The following TMEM216 variants were observed in gnomAD, a reference collection of about 807,000 sequenced individuals.
The protein encoded by TMEM216 is transmembrane protein 216, also known as cerebello-oculo-renal syndrome 2.
A neutral mutation model predicts 17.8 loss-of-function variants in TMEM216; 15 were observed. The observed-to-expected ratio is 0.84, with a 90% CI of 0.56 to 1.30. The LOEUF (loss-of-function observed/expected upper bound fraction) is 1.30, where lower values mean the gene tolerates loss of function less well. Among genes scored for constraint, TMEM216 ranks in the 50% most tolerant of loss-of-function variants. The probability of loss-of-function intolerance (pLI) is 0.00; values close to 1 mark genes in which losing one functional copy is unlikely to be tolerated. For missense variants in TMEM216, 160 were observed against 175.7 expected (o/e 0.91, Z 0.51); for synonymous variants, 58 against 73.5 (o/e 0.79, Z 1.08).
chr11:61,395,972 A>C (rs1376901451), intron 3 of TMEM216, among the ~76,000 whole-genome samples: 1 of 152,186 alleles, frequency 6.6e-6, no homozygotes, highest in African/African-American at 2.4e-5. Flanking sequence ...GGTAGTAGTT[A>C]TTACTGTGTA....
In TMEM216 at chr11:61,392,711, T is replaced by C. The variant is rs540647577; in HGVS notation, c.34+46T>C. 225 of 1,532,720 alleles carry C rather than the reference T, an allele frequency of 1.5e-4. 2 individuals are homozygous for C. Among genetic ancestry groups the C allele is most frequent in the Middle Eastern group, 8.4e-4 (5 of 5,966 alleles). The allele number at this position is 1,532,720 out of a possible 1,614,324, so 94.9% of individuals were successfully genotyped here. A position where few individuals can be genotyped will look rare whatever the true frequency, so the allele number is the denominator to read the frequency against. On this transcript the variant is annotated intron_variant, in intron 1 of 4. Transcript: ENST00000515837. ...GAGTCGCTGGTCCCTTTCCCTTCGGTCGCTCCCTCCCACCTCTGTCCCAGA... is the reference window on the plus strand; with the variant it reads ...GAGTCGCTGGTCCCTTTCCCTTCGGCCGCTCCCTCCCACCTCTGTCCCAGA...
At position 61,392,848 on chromosome 11, in the gene TMEM216, A is replaced by G. The variant is rs1399599247; in HGVS notation, c.34+183A>G. 5.1e-6 allele frequency: 5 copies of G among 985,268 alleles called. No homozygotes were observed. In the African/African-American group the frequency reaches 8.7e-5, roughly 17 times the overall value. The allele number at this position is 985,268 out of a possible 1,614,324, so 61.0% of individuals were successfully genotyped here. ...GGTGCCTGAAGGTCTCAAGGTGCAC[A>G]GCTCAAATAAACGCAGATCCTTGGC... is the stretch of plus-strand genomic sequence containing the variant. On this transcript the variant is annotated intron_variant, in intron 1 of 4. Transcript: ENST00000515837.
chr11:61,393,129 T>G, intron 1 of TMEM216, 102 bp from the exon 2 acceptor site: 1 of 713,604 alleles, frequency 1.4e-6, no homozygotes. Context: ...GCCGGTCCCA[T>G]TAGTTGCAGC....
At chr11:61,395,477 C>T (rs1325564525) in intron 3 of TMEM216, among the ~76,000 whole-genome samples, 8 of 152,018 alleles carry the variant, frequency 5.3e-5, no homozygotes, top group African/African-American at 1.9e-4. Flanking sequence ...CAGTGGCTCA[C>T]GTCTGTAATC....
Position 61,393,431 on chromosome 11 carries a change from C to G in TMEM216, c.136+99C>G, listed in dbSNP as rs962771930. ...TTCTTATTTTCCGTTCTTTTCTGCCCCCTGCAGTTCTTTGTCGCTGCAAGG... is the reference window on the plus strand; with the variant it reads ...TTCTTATTTTCCGTTCTTTTCTGCCGCCTGCAGTTCTTTGTCGCTGCAAGG... On this transcript the variant is annotated intron_variant, in intron 2 of 4. Coordinates refer to ENST00000515837, the MANE Select transcript of TMEM216 (RefSeq NM_001173990.3). 4.7e-6 allele frequency: 4 copies of G among 852,102 alleles called. No homozygotes were observed. In the Admixed American group the frequency reaches 8.8e-5, roughly 19 times the overall value. The allele number at this position is 852,102 out of a possible 1,614,324, so 52.8% of individuals were successfully genotyped here. A position where few individuals can be genotyped will look rare whatever the true frequency, so the allele number is the denominator to read the frequency against.
chr11:61,398,212 G>A, intron 4 of TMEM216, 58 bp from the exon 5 acceptor site: 2 of 1,598,590 alleles, frequency 1.3e-6, no homozygotes, highest in South Asian at 2.2e-5. Flanking sequence ...GTCGAGGCCA[G>A]CTGCTCTCAT....
intron 3 of TMEM216, among the ~76,000 whole-genome samples, chr11:61,394,606 A>T (rs1021542603): frequency 6.6e-6 from 1 of 150,556 alleles, no homozygotes; most frequent in Non-Finnish European, 1.5e-5. Context: ...TGACCTTGTG[A>T]TCTGCCTGTG....
At position 61,392,662 on chromosome 11, in the gene TMEM216, C is replaced by T; in HGVS notation, c.31C>T (p.Arg11Ter). The T allele has an allele frequency of 3.9e-6, 6 of 1,536,112 alleles. No individual in the cohort carries two copies. The highest frequency in any genetic ancestry group is 5.2e-6 in the Non-Finnish European group (6 of 1,146,912). MLPRGLKMAP[R>*]GKRLSSTPLE... ...GCCACGGGGACTGAAGATGGCGCCG[C>T]GAGGTGAGATTCCGGAGGTGTGTGA... Residue 11 changes from arginine (R) to a stop codon, truncating the protein, a stop_gained, in exon 1 of 5, where the codon CGA becomes TGA. Transcript: ENST00000515837. LOFTEE classifies it high-confidence loss of function.
At chr11:61,397,043 T>G (rs1858815765) in intron 3 of TMEM216, among the ~76,000 whole-genome samples, 1 of 152,026 alleles carries the variant, frequency 6.6e-6, no homozygotes, top group Non-Finnish European at 1.5e-5. Context: ...TAATAAATAG[T>G]AATATGTGAA....
intron 1 of TMEM216, 120 bp downstream of exon 1, chr11:61,392,785 C>A: frequency 6.6e-7 from 1 of 1,526,368 alleles, no homozygotes; most frequent in South Asian, 1.2e-5. Context: ...TCGCGCCTCC[C>A]TGGTCCAAAG....
At chr11:61,395,261 G>A (rs986768124) in intron 3 of TMEM216, among the ~76,000 whole-genome samples, 1 of 152,140 alleles carries the variant, frequency 6.6e-6, no homozygotes, top group African/African-American at 2.4e-5. Flanking sequence ...ACAGGCGTGA[G>A]CCAACATGCC....
At position 61,398,407 on chromosome 11, in the gene TMEM216, G is replaced by C. The variant is rs1174421103; in HGVS notation, c.*131G>C. The C allele has an allele frequency of 1.0e-6, 1 of 987,560 alleles. No individual in the cohort carries two copies. The highest frequency in any genetic ancestry group is 1.5e-6 in the Non-Finnish European group (1 of 660,048). 61.2% of individuals were successfully genotyped at this position (987,560 alleles called of 1,614,324 possible). A position where few individuals can be genotyped will look rare whatever the true frequency, so the allele number is the denominator to read the frequency against. The stretch of plus-strand genomic sequence containing the variant: ...GGCTGTGTGGCTTTTCTTCAGCACA[G>C]ACATTTGGGCAAGCAACTCAGCATA... On this transcript the variant is annotated 3_prime_UTR_variant, in exon 5 of 5. Transcript: ENST00000515837.
chr11:61,393,227 T>G lies in TMEM216; in HGVS notation c.35-4T>G. 1 of 1,534,918 alleles carries G rather than the reference T, an allele frequency of 6.5e-7. No individual in the cohort carries two copies. Among genetic ancestry groups the G allele is most frequent in the Non-Finnish European group, 8.7e-7 (1 of 1,145,988 alleles). On this transcript the variant is annotated splice_polypyrimidine_tract_variant and splice_region_variant and intron_variant, in intron 1 of 4. Coordinates refer to ENST00000515837, the MANE Select transcript of TMEM216 (RefSeq NM_001173990.3). ...CATCCCACTTCTCTGTGCTCCTTTTTCAGGTAAACGGTTGTCCTCCACCCC... is the reference window on the plus strand; with the variant it reads ...CATCCCACTTCTCTGTGCTCCTTTTGCAGGTAAACGGTTGTCCTCCACCCC...
At position 61,398,648 on chromosome 11, in the gene TMEM216, C is replaced by T. The variant is rs565159932; in HGVS notation, c.*372C>T. On this transcript the variant is annotated 3_prime_UTR_variant, in exon 5 of 5. Coordinates refer to ENST00000515837, the MANE Select transcript of TMEM216 (RefSeq NM_001173990.3). Reference sequence around the variant, plus strand: ...TCAAGCAGGACCTGAGCCACATGCTCCCTGTACGAGCTGTGCTATACCTGT... The same window carrying T: ...TCAAGCAGGACCTGAGCCACATGCTTCCTGTACGAGCTGTGCTATACCTGT... 1.5e-4 allele frequency: 42 copies of T among 273,532 alleles called. No homozygotes were observed. Among genetic ancestry groups the T allele is most frequent in the South Asian group, 1.2e-3 (16 of 13,122 alleles). 16.9% of individuals were successfully genotyped at this position (273,532 alleles called of 1,614,324 possible).
At chr11:61,396,322 T>C (rs1216380123) in intron 3 of TMEM216, among the ~76,000 whole-genome samples, 1 of 151,064 alleles carries the variant, frequency 6.6e-6, no homozygotes, top group Non-Finnish European at 1.5e-5. Flanking sequence ...CTACTAAAAA[T>C]ACAAAAATTA....
intron 3 of TMEM216, 117 bp downstream of exon 3, chr11:61,394,093 C>T: frequency 1.1e-6 from 1 of 885,312 alleles, no homozygotes; most frequent in Non-Finnish European, 1.8e-6. Context: ...TCTGTATATC[C>T]TATTACTCCG....
chr11:61,396,128 C>T (rs1256001923), intron 3 of TMEM216, among the ~76,000 whole-genome samples: 1 of 152,192 alleles, frequency 6.6e-6, no homozygotes, highest in Non-Finnish European at 1.5e-5. Flanking sequence ...AACATCTGTC[C>T]ATACGGGATT....
rs1410766562 is a variant in TMEM216 at position 61,398,725 on chromosome 11, A to G, written c.*449A>G. The G allele has an allele frequency of 6.1e-6, 1 of 163,078 alleles. No homozygotes were observed. 10.1% of individuals were successfully genotyped at this position (163,078 alleles called of 1,614,324 possible). ...TTGGTGGGTTTCCAGAGTGATGTGA[A>G]AGCCTCTCACCCCAATCCTCGGAGA... On this transcript the variant is annotated 3_prime_UTR_variant, in exon 5 of 5. Coordinates refer to ENST00000515837, the MANE Select transcript of TMEM216 (RefSeq NM_001173990.3).
In TMEM216 at chr11:61,398,582, G is replaced by A. The variant is rs1858854939; in HGVS notation, c.*306G>A. The stretch of plus-strand genomic sequence containing the variant: ...TCAAGTTCTCCTCCTTGATCACCGT[G>A]GCCAGAGCATCTCGTGTGGACCATC... On this transcript the variant is annotated 3_prime_UTR_variant, in exon 5 of 5. Transcript: ENST00000515837. 2.3e-6 allele frequency: 1 copy of A among 428,506 alleles called. No homozygotes were observed. 26.5% of individuals were successfully genotyped at this position (428,506 alleles called of 1,614,324 possible). A position where few individuals can be genotyped will look rare whatever the true frequency, so the allele number is the denominator to read the frequency against.
Sources: gnomAD v4.1 joint callset for allele counts (sites outside exome capture counted in the v4.1 genomes callset) on GRCh38, gnomAD v4.1.1 for gene constraint, MANE v1.5 for transcripts, NCBI Gene and HGNC (gene_info 2026-07-23, HGNC 2026-07-21) for gene names.